The following TMEM161A variants were observed in gnomAD, a reference collection of about 807,000 sequenced individuals.
The protein encoded by TMEM161A is adaptive response to oxidative stress protein 29.
In TMEM161A, 46 loss-of-function variants were observed where a neutral mutation model predicts 57.1. The observed-to-expected ratio is 0.81, with a 90% CI of 0.64 to 1.03. TMEM161A has a LOEUF of 1.03. Ranked by LOEUF, TMEM161A falls within the 50% of genes least tolerant of loss-of-function variation. The pLI, the probability that TMEM161A is intolerant of heterozygous loss-of-function variation, is 0.00. For synonymous variants in TMEM161A, 288 were observed against 279.0 expected (o/e 1.03, Z -0.32); for missense variants, 601 against 621.5 (o/e 0.97, Z 0.35).
intron 5 of TMEM161A, among the ~76,000 whole-genome samples, chr19:19,131,351 A>G (rs567267384): frequency 9.9e-5 from 15 of 151,962 alleles, no homozygotes; most frequent in Non-Finnish European, 1.8e-4. Flanking sequence ...TTGGGTCCCC[A>G]AAGTCATGTA....
In TMEM161A at chr19:19,121,023, C is replaced by G; in HGVS notation, c.1058G>C (p.Gly353Ala). 1.2e-6 allele frequency: 2 copies of G among 1,609,518 alleles called. No homozygotes were observed. The highest frequency in any genetic ancestry group is 1.7e-6 in the Non-Finnish European group (2 of 1,177,840). ...CTGGATTTCACGGGCTTCGATGCGG[C>G]CAGCCTCCCTTCGCAGCTGCTCCAC... ...ARVEQLRREAGRIEAREIQQR... is the reference protein window; with the variant it reads ...ARVEQLRREAARIEAREIQQR... Residue 353 changes from glycine to alanine, a missense_variant, in exon 10 of 12, where the codon GGC becomes GCC. By Grantham distance (60) the Gly-to-Ala change is moderately conservative. Coordinates refer to ENST00000162044, the MANE Select transcript of TMEM161A (RefSeq NM_017814.3). This position sits in a 1 kb window ranked among gnomAD's most constrained non-coding sequence, Gnocchi z 5.8.
rs2059910374 is a variant in TMEM161A at position 19,121,505 on chromosome 19, C to A, written c.800+20G>T. 6.2e-7 allele frequency: 1 copy of A among 1,613,402 alleles called. No individual in the cohort carries two copies. Among genetic ancestry groups the A allele is most frequent in the South Asian group, 1.1e-5 (1 of 91,078 alleles). The stretch of plus-strand genomic sequence containing the variant: ...CCTTAAGCTCCCTAGTCCCCCCACC[C>A]ACCAAGCGACCCACTTAACTGCAGC... On this transcript the variant is annotated intron_variant, in intron 8 of 11. Coordinates refer to ENST00000162044, the MANE Select transcript of TMEM161A (RefSeq NM_017814.3). This position sits in a 1 kb window ranked among gnomAD's most constrained non-coding sequence, Gnocchi z 5.8.
Position 19,134,769 on chromosome 19 carries a change from C to A in TMEM161A, c.107+15G>T, listed in dbSNP as rs774681415. On this transcript the variant is annotated intron_variant, in intron 2 of 11. Coordinates refer to ENST00000162044, the MANE Select transcript of TMEM161A (RefSeq NM_017814.3). ...TGACTCCGCGGGCCCCTCCCACCGC[C>A]GGGGCGGGGCTCACCTGCCGTTACA... The A allele has an allele frequency of 2.2e-5, 34 of 1,543,404 alleles. No individual in the cohort carries two copies. The South Asian group carries it at 3.4e-4, about 16-fold the overall frequency.
At chr19:19,123,879 G>A (rs2059920601) in intron 6 of TMEM161A, among the ~76,000 whole-genome samples, 1 of 152,010 alleles carries the variant, frequency 6.6e-6, no homozygotes, top group African/African-American at 2.4e-5. Flanking sequence ...GGCCAACATG[G>A]TGAAACCCTG....
Position 19,120,774 on chromosome 19 carries a change from T to A in TMEM161A, c.1177A>T (p.Lys393Ter). Residue 393 changes from lysine (K) to a stop codon, truncating the protein, a stop_gained, in exon 11 of 12, where the codon AAG becomes TAG. Transcript: ENST00000162044. LOFTEE classifies it low-confidence loss of function (END_TRUNC). Reference protein sequence around the residue: ...ILTLNCTLLLKTLGGYSWGLG... With the variant: ...ILTLNCTLLL ...CACCGCGGCATCTCACCCAGCGTCT[T>A]GAGCAGAAGTGTGCAGTTGAGGGTG... is the stretch of plus-strand genomic sequence containing the variant. The A allele has an allele frequency of 2.5e-6, 4 of 1,613,230 alleles. No homozygotes were observed. In the South Asian group the frequency reaches 4.4e-5, roughly 18 times the overall value.
chr19:19,135,027 G>A (rs935377503), intron 1 of TMEM161A, 140 bp from the exon 2 acceptor site: 14 of 633,804 alleles, frequency 2.2e-5, no homozygotes, highest in Non-Finnish European at 3.9e-5. Context: ...GCTTCTTAGG[G>A]GAGAGTCCTG....
intron 1 of TMEM161A, among the ~76,000 whole-genome samples, chr19:19,137,620 C>T (rs2146342096): frequency 6.6e-6 from 1 of 152,344 alleles, no homozygotes; most frequent in South Asian, 2.1e-4. Context: ...CGGCGTCCTG[C>T]ACCTCCGCCT....
rs61271715 is a variant in TMEM161A, at chr19:19,127,768, GAA to G, written c.595+2386_595+2387del. Among the ~76,000 whole-genome samples, 70 of 142,878 alleles carry G rather than the reference GAA, an allele frequency of 4.9e-4. 1 individual carries two copies. The highest frequency in any genetic ancestry group is 7.6e-4 in the Non-Finnish European group (50 of 65,694). The allele number at this position is 142,878 out of a possible 152,430, so 93.7% of individuals were successfully genotyped here. On this transcript the variant is annotated intron_variant, in intron 6 of 11. Transcript: ENST00000162044. ...AGCATAGCAAGACCCCATCTCTACA[GAA>G]AAAAAAAAAAAAATTAAAAATTAGC...
At chr19:19,133,253 T>G (rs371364904) in intron 2 of TMEM161A, 43 bp from the exon 3 acceptor site, 2 of 1,598,744 alleles carry the variant, frequency 1.3e-6, no homozygotes. Context: ...AGGCGTGGGG[T>G]TGGGAGGTTG....
intron 5 of TMEM161A, among the ~76,000 whole-genome samples, chr19:19,131,485 C>G (rs1443589434): frequency 3.4e-5 from 4 of 117,546 alleles, no homozygotes; most frequent in Non-Finnish European, 6.8e-5. Context: ...CATACATACA[C>G]ACACACACAT....
At chr19:19,137,337 C>G (rs538611044) in intron 1 of TMEM161A, among the ~76,000 whole-genome samples, 4 of 152,144 alleles carry the variant, frequency 2.6e-5, no homozygotes, top group Admixed American at 6.5e-5. Flanking sequence ...CCACCACCCC[C>G]CAAAACCCCC....
Position 19,121,244 on chromosome 19 carries a change from G to T in TMEM161A, c.914+64C>A. 2 of 1,551,222 alleles carry T rather than the reference G, an allele frequency of 1.3e-6. No individual in the cohort carries two copies. Among genetic ancestry groups the T allele is most frequent in the Non-Finnish European group, 1.7e-6 (2 of 1,146,742 alleles). On this transcript the variant is annotated intron_variant, in intron 9 of 11. Transcript: ENST00000162044. The surrounding 1 kb of genome is among the most constrained non-coding windows in gnomAD (Gnocchi z 5.8). Reference sequence around the variant, plus strand: ...CAGGATCTTCCCCAGGCTCCTCCCTGAATCTCAGAGGCTAGGGCACCCAGG... The same window carrying T: ...CAGGATCTTCCCCAGGCTCCTCCCTTAATCTCAGAGGCTAGGGCACCCAGG...
rs182573567 is a variant in TMEM161A at position 19,133,172 on chromosome 19, C to G, written c.146G>C (p.Arg49Pro). Residue 49 changes from arginine (R) to proline (P), a missense_variant, in exon 3 of 12, where the codon CGG becomes CCG. Coordinates refer to ENST00000162044, the MANE Select transcript of TMEM161A (RefSeq NM_017814.3). ...RYKHPSEEEL[R>P]ALAGKPRPRG... ...GGGCCTCGGCTTCCCCGCCAGGGCCCGAAGCTCCTCCTCAGACGGGTGCTT... is the reference window on the plus strand; with the variant it reads ...GGGCCTCGGCTTCCCCGCCAGGGCCGGAAGCTCCTCCTCAGACGGGTGCTT... 1 of 1,614,054 alleles carries G rather than the reference C, an allele frequency of 6.2e-7. No homozygotes were observed. The highest frequency in any genetic ancestry group is 1.3e-5 in the African/African-American group (1 of 74,948).
chr19:19,125,027 AAT>A (rs1381992486), intron 6 of TMEM161A, among the ~76,000 whole-genome samples: 1 of 152,162 alleles, frequency 6.6e-6, no homozygotes, highest in African/African-American at 2.4e-5. Flanking sequence ...TATAGCATTA[AAT>A]GCTATATATG....
At chr19:19,126,455 G>A (rs1423164017) in intron 6 of TMEM161A, among the ~76,000 whole-genome samples, 1 of 152,194 alleles carries the variant, frequency 6.6e-6, no homozygotes, top group Non-Finnish European at 1.5e-5. Flanking sequence ...GCTGAGCACA[G>A]TGGTGCACAC....
intron 11 of TMEM161A, 108 bp downstream of exon 11, chr19:19,120,654 TGCC>T: frequency 1.1e-6 from 1 of 872,286 alleles, no homozygotes; most frequent in Non-Finnish European, 1.8e-6. Context: ...CTCCGCCCCC[TGCC>T]TAGGCCCCGC....
intron 6 of TMEM161A, among the ~76,000 whole-genome samples, chr19:19,129,260 T>A (rs1698334852): frequency 1.3e-5 from 2 of 152,132 alleles, no homozygotes; most frequent in Non-Finnish European, 2.9e-5. Context: ...ATAATTGACA[T>A]ACACATCTTC....
Position 19,132,822 on chromosome 19 carries a change from G to T in TMEM161A, c.189-68C>A. 1 of 1,262,256 alleles carries T rather than the reference G, an allele frequency of 7.9e-7. No individual in the cohort carries two copies. Among genetic ancestry groups the T allele is most frequent in the Non-Finnish European group, 1.1e-6 (1 of 914,474 alleles). 78.2% of individuals were successfully genotyped at this position (1,262,256 alleles called of 1,614,324 possible). ...TCCACTGAGGCCAGCCACCCTCAGAGCTCAGAGCAGCTGGCCTGGAGACCA... is the reference window on the plus strand; with the variant it reads ...TCCACTGAGGCCAGCCACCCTCAGATCTCAGAGCAGCTGGCCTGGAGACCA... On this transcript the variant is annotated intron_variant, in intron 3 of 11. Transcript: ENST00000162044. The surrounding 1 kb of genome is among the most constrained non-coding windows in gnomAD (Gnocchi z 4.3).
At chr19:19,131,051 C>G (rs112586252) in intron 5 of TMEM161A, among the ~76,000 whole-genome samples, 17,176 of 152,068 alleles carry the variant, frequency 0.11, 1,079 homozygotes, top group Middle Eastern at 0.18. Flanking sequence ...GAAACCCAGT[C>G]TCTACTAAAA....
Sources: gnomAD v4.1 joint callset for allele counts (sites outside exome capture counted in the v4.1 genomes callset) on GRCh38, gnomAD v4.1.1 for gene constraint, Gnocchi (gnomAD v3.1) non-coding constraint, MANE v1.5 for transcripts, NCBI Gene and HGNC (gene_info 2026-07-23, HGNC 2026-07-21) for gene names.